The following FAT1 variants were observed in gnomAD, a reference collection of about 807,000 sequenced individuals.
FAT1 encodes protocadherin Fat 1.
A neutral mutation model predicts 329.8 loss-of-function variants in FAT1; 171 were observed. That is an observed-to-expected ratio of 0.52 (90% confidence interval 0.46 to 0.59). FAT1 has a LOEUF of 0.59. FAT1 is among the 20% of genes least tolerant of loss of function. The pLI, the probability that FAT1 is intolerant of heterozygous loss-of-function variation, is 0.00. For synonymous variants in FAT1, 2,233 were observed against 2,228.6 expected (o/e 1.00, Z -0.06); for missense variants, 5,672 against 5,774.4 (o/e 0.98, Z 0.57).
rs770270418 is a variant in FAT1 at position 186,620,889 on chromosome 4, G to A, written c.5697C>T (p.Ile1899=). 6.2e-7 allele frequency: 1 copy of A among 1,614,000 alleles called. No homozygotes were observed. Among genetic ancestry groups the A allele is most frequent in the Non-Finnish European group, 8.5e-7 (1 of 1,179,888 alleles). ...LLPTYKGVKV[I]TVNATDADSS... Reference sequence around the variant, plus strand: ...AATCAGCATCTGTAGCATTTACTGTGATGACTTTTACTCCTTTGTATGTTG... The same window carrying A: ...AATCAGCATCTGTAGCATTTACTGTAATGACTTTTACTCCTTTGTATGTTG... The change falls in exon 10 of 27, where the codon ATC becomes ATT. Residue 1899 remains isoleucine (I), a synonymous_variant. Transcript: ENST00000441802.
intron 3 of FAT1, among the ~76,000 whole-genome samples, chr4:186,640,742 G>A (rs141608935): frequency 1.2e-3 from 184 of 152,286 alleles, no homozygotes; most frequent in African/African-American, 4.2e-3. Flanking sequence ...TCAACTGTCT[G>A]CATATTTTGG....
chr4:186,652,103 C>T (rs984740488), intron 3 of FAT1, among the ~76,000 whole-genome samples: 3 of 152,200 alleles, frequency 2.0e-5, no homozygotes, highest in African/African-American at 7.2e-5. Context: ...GGACCCCATA[C>T]CCTAGTCTTC....
Position 186,611,709 on chromosome 4 carries a change from A to G in FAT1, c.9530T>C (p.Leu3177Ser), listed in dbSNP as rs772599108. The change falls in exon 14 of 27, where the codon TTA becomes TCA. Residue 3177 changes from leucine (L) to serine (S), a missense_variant. Leu to Ser is a moderately radical substitution (Grantham distance 145). Coordinates refer to ENST00000441802, the MANE Select transcript of FAT1 (RefSeq NM_005245.4). ...SADGQFSINE[L>S]SGIIQLEKPL... Reference sequence around the variant, plus strand: ...TTTTTCTAACTGAATAATTCCAGATAATTCGTTAATGGAGAACTGCCCATC... The same window carrying G: ...TTTTTCTAACTGAATAATTCCAGATGATTCGTTAATGGAGAACTGCCCATC... 6.3e-7 allele frequency: 1 copy of G among 1,596,824 alleles called. No homozygotes were observed. The highest frequency in any genetic ancestry group is 1.1e-5 in the South Asian group (1 of 88,368).
intron 3 of FAT1, among the ~76,000 whole-genome samples, chr4:186,653,236 T>C (rs1339013393): frequency 6.6e-6 from 1 of 152,234 alleles, no homozygotes; most frequent in East Asian, 1.9e-4. Context: ...ACAGAAAAAG[T>C]AGGAAAACCT....
chr4:186,645,945 CAAAAAAAAA>C (rs773581100), intron 3 of FAT1, among the ~76,000 whole-genome samples: 1 of 58,224 alleles, frequency 1.7e-5, no homozygotes, highest in Non-Finnish European at 3.4e-5. Context: ...GACTGTCTCA[CAAAAAAAAA>C]AAAAAAAAAT....
At chr4:186,690,351 G>A (rs530712250) in intron 2 of FAT1, among the ~76,000 whole-genome samples, 1 of 152,250 alleles carries the variant, frequency 6.6e-6, no homozygotes, top group East Asian at 1.9e-4. Context: ...TAACCAAAGT[G>A]AATGATCAGA....
chr4:186,714,031 G>A (rs1745093095), intron 1 of FAT1, among the ~76,000 whole-genome samples: 1 of 152,136 alleles, frequency 6.6e-6, no homozygotes, highest in South Asian at 2.1e-4. Context: ...CATGGATAAA[G>A]GACAATTTTT....
rs779808082 is a variant in FAT1, at chr4:186,621,517, G to A, written c.5069C>T (p.Thr1690Ile). The A allele has an allele frequency of 1.9e-6, 3 of 1,613,992 alleles. No individual in the cohort carries two copies. The highest frequency in any genetic ancestry group is 2.2e-5 in the East Asian group (1 of 44,878). Residue 1690 changes from threonine to isoleucine, a missense_variant, in exon 10 of 27, where the codon ACA becomes ATA. Physicochemically the swap from Thr to Ile is moderately conservative, Grantham distance 89. Transcript: ENST00000441802. The stretch of plus-strand genomic sequence containing the variant: ...CACCACTGATGATTGACTATGGGCT[G>A]TAACCATCCCAACGAAACTCCCAAT... ...VSIGSFVGMV[T>I]AHSQSSVVYE...
At chr4:186,667,323 G>A (rs2130909) in intron 2 of FAT1, among the ~76,000 whole-genome samples, 54,706 of 152,028 alleles carry the variant, frequency 0.36, 10,568 homozygotes, top group African/African-American at 0.49. Flanking sequence ...GGGGATTGTC[G>A]GCCTCCCCGG....
rs1446786401 is a variant in FAT1, at chr4:186,706,734, G to A, written c.3094C>T (p.Pro1032Ser). The A allele has an allele frequency of 1.9e-6, 3 of 1,613,930 alleles. No homozygotes were observed. The Admixed American group carries it at 5.0e-5, about 27-fold the overall frequency. The change falls in exon 2 of 27, where the codon CCC becomes TCC. Residue 1032 changes from proline to serine, a missense_variant. This residue lies in a region of FAT1 where 3,966 missense variants were observed against 3,915.2 expected (regional missense o/e 1.01). Coordinates refer to ENST00000441802, the MANE Select transcript of FAT1 (RefSeq NM_005245.4). ...TTTTCCACAAAGCTGGAAAACACGG[G>A]TGGGTGCAGGTTCTCATTCACATCA... Reference protein sequence around the residue: ...VVDVNENLHPPVFSSFVEKGT... With the variant: ...VVDVNENLHPSVFSSFVEKGT...
intron 1 of FAT1, among the ~76,000 whole-genome samples, chr4:186,714,040 T>C (rs1039467683): frequency 6.6e-6 from 1 of 152,154 alleles, no homozygotes; most frequent in Non-Finnish European, 1.5e-5. Flanking sequence ...AGGACAATTT[T>C]TAGGACTTTA....
chr4:186,638,313 G>C (rs372004231), intron 4 of FAT1, among the ~76,000 whole-genome samples: 35 of 152,264 alleles, frequency 2.3e-4, no homozygotes, highest in African/African-American at 7.7e-4. Flanking sequence ...AGAGGACTCT[G>C]GAGTGACGTA....
chr4:186,649,267 T>C (rs140700383), intron 3 of FAT1, among the ~76,000 whole-genome samples: 2,007 of 152,254 alleles, frequency 0.013, 35 homozygotes, highest in African/African-American at 0.045. Context: ...TTAAATGAAA[T>C]GTAGTCTTTA....
chr4:186,593,824 G>T (rs937832578), intron 26 of FAT1, among the ~76,000 whole-genome samples: 1 of 152,152 alleles, frequency 6.6e-6, no homozygotes, highest in Non-Finnish European at 1.5e-5. Context: ...GCTACAGAAT[G>T]ACAGCAACAC....
chr4:186,604,378 T>G lies in FAT1; in HGVS notation c.10547A>C (p.Lys3516Thr), dbSNP rs2126437823. ...KEKDHYLLQVKVADNGKPQLS... is the reference protein window; with the variant it reads ...KEKDHYLLQVTVADNGKPQLS... ...AACCACAAAGAAAGCCATTCATACC[T>G]TCACCTGCAGTAAGTAATGATCTTT... Residue 3516 changes from lysine (K) to threonine (T), a missense_variant and splice_region_variant, in exon 18 of 27, where the codon AAG becomes ACG. Lys to Thr is a moderately conservative substitution (Grantham distance 78, BLOSUM62 -1). This residue lies in a region of FAT1 where 1,706 missense variants were observed against 1,859.1 expected (regional missense o/e 0.92). Coordinates refer to ENST00000441802, the MANE Select transcript of FAT1 (RefSeq NM_005245.4). 1.2e-6 allele frequency: 2 copies of G among 1,611,394 alleles called. No homozygotes were observed. The highest frequency in any genetic ancestry group is 2.2e-5 in the South Asian group (2 of 90,470).
chr4:186,611,245 A>G, intron 14 of FAT1, 141 bp downstream of exon 14: 2 of 681,292 alleles, frequency 2.9e-6, no homozygotes, highest in Non-Finnish European at 4.7e-6. Context: ...CCCACTGTAA[A>G]TAACTAAAAG....
chr4:186,625,551 T>A (rs2126535624), intron 9 of FAT1, among the ~76,000 whole-genome samples: 1 of 152,344 alleles, frequency 6.6e-6, no homozygotes, highest in Admixed American at 6.5e-5. Context: ...CCAATTCTAA[T>A]GCCTAGGAGA....
At chr4:186,655,277 A>G (rs896978298) in intron 3 of FAT1, among the ~76,000 whole-genome samples, 1 of 152,178 alleles carries the variant, frequency 6.6e-6, no homozygotes, top group African/African-American at 2.4e-5. Context: ...TTTCTTTCTT[A>G]CTGTATTTGT....
Position 186,597,720 on chromosome 4 carries a change from G to A in FAT1, c.12330C>T (p.Gly4110=), listed in dbSNP as rs116628547. The A allele has an allele frequency of 4.7e-3, 7,605 of 1,613,696 alleles. 31 individuals carry two copies. The highest frequency in any genetic ancestry group is 5.5e-3 in the Non-Finnish European group (6,476 of 1,179,828). Residue 4110 remains glycine (G), a synonymous_variant, in exon 24 of 27, where the codon GGC becomes GGT. Coordinates refer to ENST00000441802, the MANE Select transcript of FAT1 (RefSeq NM_005245.4). ...AACCCGAATCACACTGACAAACGGC[G>A]CCATCCAAACTGTCAAAGCATGTTC... ...NGGTCFDSLD[G]AVCQCDSGFR...
Sources: gnomAD v4.1 joint callset for allele counts (sites outside exome capture counted in the v4.1 genomes callset) on GRCh38, gnomAD v4.1.1 for gene constraint, gnomAD v4.1.1 regional missense constraint, MANE v1.5 for transcripts, NCBI Gene and HGNC (gene_info 2026-07-23, HGNC 2026-07-21) for gene names.